ARHGAP31: variants seen among roughly 807,000 people sequenced by gnomAD.
ARHGAP31 encodes rho GTPase-activating protein 31.
Under a neutral mutation model 113.9 loss-of-function variants are expected in ARHGAP31, and 34 were observed. That is an observed-to-expected ratio of 0.30 (90% confidence interval 0.23 to 0.40). ARHGAP31 has a LOEUF of 0.40. ARHGAP31 is among the 10% of genes least tolerant of loss of function. ARHGAP31 has a pLI of 1.00. For synonymous variants in ARHGAP31, 650 were observed against 684.8 expected (o/e 0.95, Z 0.79); for missense variants, 1,548 against 1,767.1 (o/e 0.88, Z 2.22).
At chr3:119,382,790 G>A (rs2080413387) in intron 5 of ARHGAP31, among the ~76,000 whole-genome samples, 1 of 152,164 alleles carries the variant, frequency 6.6e-6, no homozygotes, top group South Asian at 2.1e-4. Context: ...AGAACAGTTA[G>A]GTGGGAGTGG....
intron 1 of ARHGAP31, among the ~76,000 whole-genome samples, chr3:119,325,415 C>T (rs1431266459): frequency 6.6e-6 from 1 of 152,178 alleles, no homozygotes; most frequent in Admixed American, 6.5e-5. Flanking sequence ...GATGTTGTTC[C>T]CCCTTTACAG....
chr3:119,391,606 G>T lies in ARHGAP31; in HGVS notation c.881+623G>T, dbSNP rs5852202. Among the ~76,000 whole-genome samples the T allele has an allele frequency of 9.7e-4, 106 of 109,034 alleles. 1 individual carries two copies. The highest frequency in any genetic ancestry group is 4.2e-3 in the African/African-American group (102 of 24,456). 71.5% of individuals were successfully genotyped at this position (109,034 alleles called of 152,430 possible). On this transcript the variant is annotated intron_variant, in intron 7 of 11. Coordinates refer to ENST00000264245, the MANE Select transcript of ARHGAP31 (RefSeq NM_020754.4). ...GGGTCTCTACCCCCCCCTCCCCCCC[G>T]CCGTCACTCATATCCCATAGTAGAA...
intron 1 of ARHGAP31, among the ~76,000 whole-genome samples, chr3:119,354,700 T>A (rs13097135): frequency 1.5e-5 from 2 of 136,666 alleles, no homozygotes; most frequent in Non-Finnish European, 3.1e-5. Flanking sequence ...TTTTTTTTTG[T>A]ATTTTTTAGC....
intron 1 of ARHGAP31, among the ~76,000 whole-genome samples, chr3:119,307,615 CTT>C (rs2079641467): frequency 6.6e-6 from 1 of 151,994 alleles, no homozygotes; most frequent in Non-Finnish European, 1.5e-5. Flanking sequence ...ATGTGGCAAA[CTT>C]TCTAAGTTTT....
chr3:119,352,868 A>G (rs908508130), intron 1 of ARHGAP31, among the ~76,000 whole-genome samples: 1 of 152,158 alleles, frequency 6.6e-6, no homozygotes, highest in African/African-American at 2.4e-5. Context: ...CAAGTTCCCT[A>G]ATGTTTCTCT....
At chr3:119,408,262 A>G (rs909321910) in intron 10 of ARHGAP31, among the ~76,000 whole-genome samples, 3 of 152,238 alleles carry the variant, frequency 2.0e-5, no homozygotes, top group African/African-American at 7.2e-5. Flanking sequence ...GAACTCTGTA[A>G]ATATTTTACA....
intron 1 of ARHGAP31, among the ~76,000 whole-genome samples, chr3:119,320,626 C>A (rs577704824): frequency 6.6e-6 from 1 of 152,314 alleles, no homozygotes; most frequent in African/African-American, 2.4e-5. Flanking sequence ...TTCCCTTTGC[C>A]ATTAAAAGTT....
At chr3:119,312,624 AAACAAC>A (rs778978172) in intron 1 of ARHGAP31, among the ~76,000 whole-genome samples, 2 of 152,220 alleles carry the variant, frequency 1.3e-5, no homozygotes, top group African/African-American at 2.4e-5. Context: ...CAATTGTTAA[AAACAAC>A]AACAACAACA....
At chr3:119,402,729 T>A (rs2080623899) in intron 10 of ARHGAP31, among the ~76,000 whole-genome samples, 1 of 152,244 alleles carries the variant, frequency 6.6e-6, no homozygotes. Context: ...TATTACCTAT[T>A]ATTATTTTAT....
At chr3:119,399,839 C>T (rs917592152) in intron 9 of ARHGAP31, among the ~76,000 whole-genome samples, 7 of 152,192 alleles carry the variant, frequency 4.6e-5, no homozygotes, top group African/African-American at 1.7e-4. Context: ...TTGGAGTAGA[C>T]GTGTATACAG....
intron 1 of ARHGAP31, among the ~76,000 whole-genome samples, chr3:119,337,151 A>C (rs2079959926): frequency 6.6e-6 from 1 of 152,222 alleles, no homozygotes; most frequent in Non-Finnish European, 1.5e-5. Context: ...TTCAAGAATG[A>C]AGCCGCGGAC....
intron 1 of ARHGAP31, among the ~76,000 whole-genome samples, chr3:119,304,758 G>T (rs1314909866): frequency 6.6e-6 from 1 of 152,090 alleles, no homozygotes; most frequent in African/African-American, 2.4e-5. Context: ...AGCTGGGCTT[G>T]GTGGTGGGCG....
In ARHGAP31 at chr3:119,415,525, C is replaced by A; in HGVS notation, c.3596C>A (p.Ala1199Glu). ...ATGGTCAAAATGTGCCAGGCCAGGGCGGTCCCAGTCATCCCTCCCAAGATT... is the reference window on the plus strand; with the variant it reads ...ATGGTCAAAATGTGCCAGGCCAGGGAGGTCCCAGTCATCCCTCCCAAGATT... ...SFMVKMCQAR[A>E]VPVIPPKIQY... Residue 1199 changes from alanine to glutamate, a missense_variant, in exon 12 of 12, where the codon GCG becomes GAG. Coordinates refer to ENST00000264245, the MANE Select transcript of ARHGAP31 (RefSeq NM_020754.4). 6.2e-7 allele frequency: 1 copy of A among 1,614,124 alleles called. No homozygotes were observed.
At position 119,365,324 on chromosome 3, in the gene ARHGAP31, G is replaced by A. The variant is rs752428737; in HGVS notation, c.109G>A (p.Val37Ile). ...TCTTTTCTTTTACATAGTTCCATAC[G>A]TTTTGAAGAGCTGTGCAGAATTTAT... ...LESSGQDVPY[V>I]LKSCAEFIET... The change falls in exon 2 of 12, where the codon GTT (valine) becomes ATT (isoleucine). Residue 37 changes from valine (V) to isoleucine (I), a missense_variant. Transcript: ENST00000264245. The A allele has an allele frequency of 8.1e-6, 13 of 1,613,686 alleles. No homozygotes were observed. The highest frequency in any genetic ancestry group is 1.1e-5 in the Non-Finnish European group (13 of 1,179,880).
chr3:119,364,855 G>A (rs981978553), intron 1 of ARHGAP31, among the ~76,000 whole-genome samples: 6 of 152,294 alleles, frequency 3.9e-5, no homozygotes, highest in Non-Finnish European at 7.4e-5. Context: ...TTCTTTGGGA[G>A]GCCAAGGCGG....
chr3:119,326,059 G>A (rs2107604916), intron 1 of ARHGAP31, among the ~76,000 whole-genome samples: 1 of 152,262 alleles, frequency 6.6e-6, no homozygotes, highest in Admixed American at 6.5e-5. Flanking sequence ...GGGCGTGGTG[G>A]TGGGCGCCTG....
intron 1 of ARHGAP31, among the ~76,000 whole-genome samples, chr3:119,337,458 A>G (rs1384566591): frequency 6.6e-6 from 1 of 152,206 alleles, no homozygotes; most frequent in Non-Finnish European, 1.5e-5. Flanking sequence ...ACCAGCACCA[A>G]CATTTACTGC....
At chr3:119,321,499 GTTTT>G (rs893525263) in intron 1 of ARHGAP31, among the ~76,000 whole-genome samples, 1 of 148,780 alleles carries the variant, frequency 6.7e-6, no homozygotes, top group African/African-American at 2.5e-5. Flanking sequence ...TCCTTCAAGT[GTTTT>G]TTTTCTATGT....
chr3:119,360,717 A>G (rs1448983173), intron 1 of ARHGAP31, among the ~76,000 whole-genome samples: 1 of 152,214 alleles, frequency 6.6e-6, no homozygotes, highest in Non-Finnish European at 1.5e-5. Context: ...CAAAGGCAAG[A>G]TTTTCTTTTC....
Sources: allele counts gnomAD v4.1 joint callset (sites outside exome capture counted in the v4.1 genomes callset), GRCh38; gene constraint gnomAD v4.1.1; transcripts MANE v1.5; gene names NCBI Gene and HGNC (gene_info 2026-07-23, HGNC 2026-07-21).